The following COL11A2 variants were observed in gnomAD, a reference collection of about 807,000 sequenced individuals.
COL11A2 encodes the protein collagen alpha-2(XI) chain.
A neutral mutation model predicts 273.4 loss-of-function variants in COL11A2; 116 were observed. The observed-to-expected ratio is 0.42, with a 90% CI of 0.36 to 0.49. The LOEUF (loss-of-function observed/expected upper bound fraction) is 0.49. Ranked by LOEUF, COL11A2 falls within the 20% of genes least tolerant of loss-of-function variation. The pLI, the probability that COL11A2 is intolerant of heterozygous loss-of-function variation, is 0.00. For missense variants in COL11A2, 1,866 were observed against 2,309.0 expected, an observed-to-expected ratio of 0.81 and a Z score of 3.93; for synonymous variants, 782 against 864.2, an observed-to-expected ratio of 0.90 and a Z score of 1.67.
chr6:33,170,361 C>T lies in COL11A2; in HGVS notation c.3547G>A (p.Gly1183Arg), dbSNP rs1169845250. 4 of 1,613,822 alleles carry T rather than the reference C, an allele frequency of 2.5e-6. No homozygotes were observed. In the African/African-American group the frequency reaches 5.3e-5, roughly 22 times the overall value. ...TTGGGTCCAGCTGGACCTCGAGGTC[C>T]TGGGGGGCCAGGTGGTCCCTGGGGG... ...VGPMGPPGPP[G>R]PRGPAGPNGA... The change falls in exon 48 of 66, where the codon GGA becomes AGA. Residue 1183 changes from glycine to arginine, a missense_variant. By Grantham distance (125) the Gly-to-Arg change is moderately radical (BLOSUM62 -2). Coordinates refer to ENST00000341947, the MANE Select transcript of COL11A2 (RefSeq NM_080680.3). This position sits in a 1 kb window ranked among gnomAD's most constrained non-coding sequence, Gnocchi z 4.3.
intron 30 of COL11A2, among the ~76,000 whole-genome samples, chr6:33,174,820 G>A (rs1770676929): frequency 6.6e-6 from 1 of 152,060 alleles, no homozygotes; most frequent in Admixed American, 6.5e-5. Context: ...GCCTACAGAG[G>A]TATCAGGTCC....
At position 33,176,989 on chromosome 6, in the gene COL11A2, C is replaced by T. The variant is rs1384322182; in HGVS notation, c.2070+3G>A. The T allele has an allele frequency of 3.7e-6, 6 of 1,610,476 alleles. No individual in the cohort carries two copies. Among genetic ancestry groups the T allele is most frequent in the Non-Finnish European group, 5.1e-6 (6 of 1,178,742 alleles). ...CTGGATTCGGAAGTGGGGTCCCACT[C>T]ACCGGGGGTCCGTCTGAGCCAGGCA... On this transcript the variant is annotated splice_donor_region_variant and intron_variant, in intron 25 of 65. Coordinates refer to ENST00000341947, the MANE Select transcript of COL11A2 (RefSeq NM_080680.3). This position sits in a 1 kb window ranked among gnomAD's most constrained non-coding sequence, Gnocchi z 4.9.
rs543310995 is a variant in COL11A2, at chr6:33,189,129, C to G, written c.292G>C (p.Ala98Pro). ...TVVRTRPGLQ[A>P]PLLTLYSAQG... The stretch of plus-strand genomic sequence containing the variant: ...GCACTGTAGAGAGTCAGGAGGGGAG[C>G]TTGGAGACCAGGGCGGGTCCGGACA... The change falls in exon 3 of 66, where the codon GCT becomes CCT. Residue 98 changes from alanine (A) to proline (P), a missense_variant. Transcript: ENST00000341947. This position sits in a 1 kb window ranked among gnomAD's most constrained non-coding sequence, Gnocchi z 5.6. The G allele has an allele frequency of 1.9e-6, 3 of 1,614,070 alleles. No individual in the cohort carries two copies. The South Asian group carries it at 3.3e-5, about 18-fold the overall frequency.
At position 33,165,672 on chromosome 6, in the gene COL11A2, TCTC is replaced by T. The variant is rs755255647; in HGVS notation, c.4624_4626del (p.Glu1542del). On this transcript the variant is annotated inframe_deletion, in exon 63 of 66. Transcript: ENST00000341947. The surrounding 1 kb of genome is among the most constrained non-coding windows in gnomAD (Gnocchi z 7.7). ...CGCAGGGAGTCGAGTGAGCCAAAGA[TCTC>T]CTCCAGCCCCCCAGGACTGCCGGGG... 1.2e-5 allele frequency: 20 copies of T among 1,611,278 alleles called. No individual in the cohort carries two copies. Among genetic ancestry groups the T allele is most frequent in the Admixed American group, 5.0e-5 (3 of 59,960 alleles).
At chr6:33,187,714 G>T (rs942863587) in intron 4 of COL11A2, among the ~76,000 whole-genome samples, 1 of 152,054 alleles carries the variant, frequency 6.6e-6, no homozygotes, top group Non-Finnish European at 1.5e-5. Context: ...ATGACTGGTC[G>T]GATGGGAAGT....
Position 33,168,526 on chromosome 6 carries a change from C to T in COL11A2, c.3953G>A (p.Gly1318Glu). 1 of 1,613,566 alleles carries T rather than the reference C, an allele frequency of 6.2e-7. No homozygotes were observed. Among genetic ancestry groups the T allele is most frequent in the East Asian group, 2.2e-5 (1 of 44,886 alleles). Reference sequence around the variant, plus strand: ...GGGGTCCACCTCACTTACTCGCTTTCCAAGTGGCCCTGGGGGTCCATTCTC... The same window carrying T: ...GGGGTCCACCTCACTTACTCGCTTTTCAAGTGGCCCTGGGGGTCCATTCTC... ...TGENGPPGPL[G>E]KRGPAGSPGS... Residue 1318 changes from glycine to glutamate, a missense_variant, in exon 54 of 66, where the codon GGA (glycine) becomes GAA (glutamate). By Grantham distance (98) the Gly-to-Glu change is moderately conservative. Transcript: ENST00000341947.
Position 33,171,722 on chromosome 6 carries a change from T to C in COL11A2, c.3141A>G (p.Lys1047=), listed in dbSNP as rs1393915232. The change falls in exon 42 of 66, where the codon AAA becomes AAG. Residue 1047 remains lysine (K), a synonymous_variant. Coordinates refer to ENST00000341947, the MANE Select transcript of COL11A2 (RefSeq NM_080680.3). ...PQGPPGAAGE[K]GVPGEKGPIG... ...ATACCCCCACACTCACTGGGACACC[T>C]TTCTCTCCTGCTGCTCCAGGGGGAC... The C allele has an allele frequency of 1.2e-6, 2 of 1,611,384 alleles. No homozygotes were observed. Among genetic ancestry groups the C allele is most frequent in the Non-Finnish European group, 8.5e-7 (1 of 1,179,092 alleles).
rs16868943 is a variant in COL11A2, at chr6:33,179,950, G to A, written c.1360-145C>T. 18,387 of 808,258 alleles carry A rather than the reference G, an allele frequency of 0.023. 308 individuals carry two copies. The highest frequency in any genetic ancestry group is 0.05 in the African/African-American group (2,967 of 59,228). The allele number at this position is 808,258 out of a possible 1,614,324, so 50.1% of individuals were successfully genotyped here. The stretch of plus-strand genomic sequence containing the variant: ...CATGGCTTCCAGATAATCACTTAGA[G>A]GATTCCAGAAACTCAACTCCTGCCC... On this transcript the variant is annotated intron_variant, in intron 12 of 65. Coordinates refer to ENST00000341947, the MANE Select transcript of COL11A2 (RefSeq NM_080680.3). The surrounding 1 kb of genome is among the most constrained non-coding windows in gnomAD (Gnocchi z 6.4).
rs759086485 is a variant in COL11A2 at position 33,171,145 on chromosome 6, G to T, written c.3335C>A (p.Pro1112His). Residue 1112 changes from proline (P) to histidine (H), a missense_variant, in exon 45 of 66, where the codon CCC becomes CAC. Coordinates refer to ENST00000341947, the MANE Select transcript of COL11A2 (RefSeq NM_080680.3). ...GEHGPPGPPG[P>H]IGPVGQPGAA... is the part of the protein sequence containing the mutation. ...TCCAGGCTGCCCCACAGGACCAATG[G>T]GTCCAGGGGGTCCAGGAGGGCCCTG... The T allele has an allele frequency of 2.3e-5, 37 of 1,596,770 alleles. No homozygotes were observed. The highest frequency in any genetic ancestry group is 3.0e-5 in the Non-Finnish European group (35 of 1,170,966).
Position 33,165,255 on chromosome 6 carries a change from T to C in COL11A2, c.4751-291A>G, listed in dbSNP as rs376973400. ...AGCCTCATACTGGGACAACATGTGG[T>C]TGCAGGCGCTCACACAGATTCATCT... On this transcript the variant is annotated intron_variant, in intron 63 of 65. Coordinates refer to ENST00000341947, the MANE Select transcript of COL11A2 (RefSeq NM_080680.3). The surrounding 1 kb of genome is among the most constrained non-coding windows in gnomAD (Gnocchi z 7.7). Among the ~76,000 whole-genome samples the C allele has an allele frequency of 6.6e-6, 1 of 152,216 alleles. No homozygotes were observed. Among genetic ancestry groups the C allele is most frequent in the African/African-American group, 2.4e-5 (1 of 41,522 alleles).
chr6:33,187,311 C>A (rs983263435), intron 4 of COL11A2, among the ~76,000 whole-genome samples: 18 of 152,202 alleles, frequency 1.2e-4, no homozygotes, highest in African/African-American at 4.3e-4. Context: ...GTTCCAATGG[C>A]ATTTACTTTT....
intron 7 of COL11A2, among the ~76,000 whole-genome samples, chr6:33,184,694 C>T (rs971077257): frequency 6.6e-6 from 1 of 152,076 alleles, no homozygotes; most frequent in Admixed American, 6.6e-5. Context: ...AAGTGGCTCC[C>T]GGGAACAGAA....
Position 33,167,909 on chromosome 6 carries a change from C to A in COL11A2, c.3961-57G>T. ...AGGCCGTGGGCAGCCAGGCTCAACT[C>A]TTCCCCCTTCCTGTCCTAGACACAC... On this transcript the variant is annotated intron_variant, in intron 54 of 65. Coordinates refer to ENST00000341947, the MANE Select transcript of COL11A2 (RefSeq NM_080680.3). The surrounding 1 kb of genome is among the most constrained non-coding windows in gnomAD (Gnocchi z 6.1). 1 of 1,587,192 alleles carries A rather than the reference C, an allele frequency of 6.3e-7. No individual in the cohort carries two copies. The highest frequency in any genetic ancestry group is 2.2e-5 in the East Asian group (1 of 44,538).
At chr6:33,188,303 G>C in intron 4 of COL11A2, 59 bp downstream of exon 4, 1 of 1,594,624 alleles carries the variant, frequency 6.3e-7, no homozygotes, top group Non-Finnish European at 8.6e-7. Flanking sequence ...GGGCCAGAAG[G>C]GTAGTGGGCA....
In COL11A2 at chr6:33,176,357, G is replaced by A; in HGVS notation, c.2170-54C>T. 6.3e-7 allele frequency: 1 copy of A among 1,599,922 alleles called. No individual in the cohort carries two copies. Among genetic ancestry groups the A allele is most frequent in the Non-Finnish European group, 8.5e-7 (1 of 1,172,262 alleles). Reference sequence around the variant, plus strand: ...CTGATCAGGGGATGGAGGTGGGTTGGAAGGACCAAGCTCCTAAGACCCCAT... The same window carrying A: ...CTGATCAGGGGATGGAGGTGGGTTGAAAGGACCAAGCTCCTAAGACCCCAT... On this transcript the variant is annotated intron_variant, in intron 27 of 65. Coordinates refer to ENST00000341947, the MANE Select transcript of COL11A2 (RefSeq NM_080680.3). This position sits in a 1 kb window ranked among gnomAD's most constrained non-coding sequence, Gnocchi z 4.9.
chr6:33,166,916 G>A lies in COL11A2; in HGVS notation c.4231-89C>T. 2 of 1,527,730 alleles carry A rather than the reference G, an allele frequency of 1.3e-6. No individual in the cohort carries two copies. Among genetic ancestry groups the A allele is most frequent in the East Asian group, 4.7e-5 (2 of 42,510 alleles). 94.6% of individuals were successfully genotyped at this position (1,527,730 alleles called of 1,614,324 possible). A position where few individuals can be genotyped will look rare whatever the true frequency, so the allele number is the denominator to read the frequency against. ...CCAAGAGGACATGGAGAGGGAGCCG[G>A]GCACAGGGTCCGTGAGTGGCCCTCA... On this transcript the variant is annotated intron_variant, in intron 58 of 65. Transcript: ENST00000341947. This position sits in a 1 kb window ranked among gnomAD's most constrained non-coding sequence, Gnocchi z 4.8.
intron 11 of COL11A2, 117 bp downstream of exon 11, chr6:33,180,551 C>T (rs547230425): frequency 2.6e-4 from 278 of 1,068,166 alleles, no homozygotes; most frequent in Non-Finnish European, 3.0e-4. Context: ...GAAGCACAAC[C>T]ATCCCCTCAT....
Position 33,176,984 on chromosome 6 carries a change from C to T in COL11A2, c.2070+8G>A, listed in dbSNP as rs772899783. ...GGGAACTGGATTCGGAAGTGGGGTCCCACTCACCGGGGGTCCGTCTGAGCC... is the reference window on the plus strand; with the variant it reads ...GGGAACTGGATTCGGAAGTGGGGTCTCACTCACCGGGGGTCCGTCTGAGCC... On this transcript the variant is annotated splice_region_variant and intron_variant, in intron 25 of 65. Coordinates refer to ENST00000341947, the MANE Select transcript of COL11A2 (RefSeq NM_080680.3). This position sits in a 1 kb window ranked among gnomAD's most constrained non-coding sequence, Gnocchi z 4.9. 6.2e-7 allele frequency: 1 copy of T among 1,609,712 alleles called. No homozygotes were observed. The highest frequency in any genetic ancestry group is 8.5e-7 in the Non-Finnish European group (1 of 1,178,466).
At position 33,174,658 on chromosome 6, in the gene COL11A2, A is replaced by G. The variant is rs1422534532; in HGVS notation, c.2377-78T>C. Reference sequence around the variant, plus strand: ...CACCCCTGGAGACCTCAACCCTCACATATAACAGCCAGCCCCCACCCAGCA... The same window carrying G: ...CACCCCTGGAGACCTCAACCCTCACGTATAACAGCCAGCCCCCACCCAGCA... On this transcript the variant is annotated intron_variant, in intron 30 of 65. Transcript: ENST00000341947. 7.1e-6 allele frequency: 10 copies of G among 1,405,808 alleles called. No homozygotes were observed. In the Admixed American group the frequency reaches 1.3e-4, roughly 18 times the overall value. 87.1% of individuals were successfully genotyped at this position (1,405,808 alleles called of 1,614,324 possible). A position where few individuals can be genotyped will look rare whatever the true frequency, so the allele number is the denominator to read the frequency against.
Sources: gnomAD v4.1 joint callset for allele counts (sites outside exome capture counted in the v4.1 genomes callset) on GRCh38, gnomAD v4.1.1 for gene constraint, Gnocchi (gnomAD v3.1) non-coding constraint, MANE v1.5 for transcripts, NCBI Gene and HGNC (gene_info 2026-07-23, HGNC 2026-07-21) for gene names.